Variants in ARHGEF37 observed in about 807,000 individuals in gnomAD.
ARHGEF37 encodes the protein Rho guanine nucleotide exchange factor (GEF) 37.
In ARHGEF37, 55 loss-of-function variants were observed where a neutral mutation model predicts 71.1. That is an observed-to-expected ratio of 0.77 (90% CI 0.62 to 0.97). The LOEUF is 0.97. Ranked by LOEUF, ARHGEF37 falls within the 50% of genes least tolerant of loss-of-function variation. ARHGEF37 has a pLI of 0.00. For missense variants in ARHGEF37, 765 were observed against 836.8 expected, an observed-to-expected ratio of 0.91 and a Z score of 1.06; for synonymous variants, 327 against 350.6, an observed-to-expected ratio of 0.93 and a Z score of 0.75.
intron 1 of ARHGEF37, among the ~76,000 whole-genome samples, chr5:149,558,631 C>T (rs1291085538): frequency 1.3e-5 from 2 of 151,844 alleles, no homozygotes; most frequent in African/African-American, 4.8e-5. Flanking sequence ...GCTGGGATTA[C>T]AGGCGTGAGC....
intron 4 of ARHGEF37, among the ~76,000 whole-genome samples, chr5:149,614,782 C>T (rs147259802): frequency 6.6e-6 from 1 of 152,318 alleles, no homozygotes; most frequent in Non-Finnish European, 1.5e-5. Flanking sequence ...CCTGCTCTGC[C>T]TATTCTTAGC....
intron 1 of ARHGEF37, among the ~76,000 whole-genome samples, chr5:149,558,875 T>C (rs573539377): frequency 6.6e-6 from 1 of 152,302 alleles, no homozygotes; most frequent in South Asian, 2.1e-4. Flanking sequence ...AACATTTTGC[T>C]GTATAAAATT....
At chr5:149,607,099 C>T (rs545888233) in intron 3 of ARHGEF37, among the ~76,000 whole-genome samples, 243 of 152,252 alleles carry the variant, frequency 1.6e-3, no homozygotes, top group Non-Finnish European at 2.6e-3. Flanking sequence ...GACGGGGTTT[C>T]GCTATGTTGG....
At chr5:149,575,302 T>G (rs1763013150) in intron 1 of ARHGEF37, among the ~76,000 whole-genome samples, 1 of 152,246 alleles carries the variant, frequency 6.6e-6, no homozygotes, top group Non-Finnish European at 1.5e-5. Flanking sequence ...TCACCTTATC[T>G]TTGGCTCCCT....
intron 3 of ARHGEF37, among the ~76,000 whole-genome samples, chr5:149,609,237 A>G (rs572738254): frequency 1.3e-5 from 2 of 152,316 alleles, no homozygotes; most frequent in Admixed American, 1.3e-4. Flanking sequence ...TATTTTGTGT[A>G]CTATAAAGCA....
At chr5:149,631,313 G>A (rs1752878730) in intron 12 of ARHGEF37, among the ~76,000 whole-genome samples, 1 of 151,694 alleles carries the variant, frequency 6.6e-6, no homozygotes, top group African/African-American at 2.4e-5. Context: ...TGGGATTACA[G>A]GTGTGCGCCA....
At chr5:149,596,681 A>G (rs1763556994) in intron 1 of ARHGEF37, among the ~76,000 whole-genome samples, 1 of 152,100 alleles carries the variant, frequency 6.6e-6, no homozygotes, top group Non-Finnish European at 1.5e-5. Context: ...GGGAGTGAGA[A>G]ATGAGGGGAG....
At chr5:149,567,917 T>C (rs1221255961) in intron 1 of ARHGEF37, among the ~76,000 whole-genome samples, 1 of 152,212 alleles carries the variant, frequency 6.6e-6, no homozygotes. Context: ...TTTATCTCTA[T>C]TGGTTTGTCA....
intron 1 of ARHGEF37, among the ~76,000 whole-genome samples, chr5:149,566,824 T>C (rs1192011843): frequency 3.3e-5 from 5 of 152,184 alleles, no homozygotes; most frequent in Non-Finnish European, 7.3e-5. Flanking sequence ...TACTCCCCAC[T>C]TTCAATTTTA....
intron 9 of ARHGEF37, among the ~76,000 whole-genome samples, chr5:149,622,543 C>G (rs183284842): frequency 2.0e-4 from 30 of 152,152 alleles, no homozygotes; most frequent in Non-Finnish European, 3.7e-4. Context: ...AACAACCCTA[C>G]AGAGGAGGTA....
At chr5:149,578,797 G>A (rs1639236966), upstream of ARHGEF37, among the ~76,000 whole-genome samples, 1 of 152,126 alleles carries the variant, frequency 6.6e-6, no homozygotes, top group South Asian at 2.1e-4. Context: ...TTTGTTAGAG[G>A]TTTCCAGTCA....
At chr5:149,605,082 TCG>T (rs1245100207) in intron 3 of ARHGEF37, among the ~76,000 whole-genome samples, 1 of 151,054 alleles carries the variant, frequency 6.6e-6, no homozygotes, top group Non-Finnish European at 1.5e-5. Flanking sequence ...CAAAAATTAG[TCG>T]GGCGTGTTGG....
Position 149,628,944 on chromosome 5 carries a change from C to T in ARHGEF37, c.1796C>T (p.Pro599Leu). The change falls in exon 12 of 13, where the codon CCC (proline) becomes CTC (leucine). Residue 599 changes from proline to leucine, a missense_variant. By Grantham distance (98) the Pro-to-Leu change is moderately conservative (BLOSUM62 -3). Around this residue, in one of 5 missense-constraint regions of ARHGEF37, gnomAD observed 390 missense variants for 407.4 expected, o/e 0.96. Coordinates refer to ENST00000333677, the MANE Select transcript of ARHGEF37 (RefSeq NM_001001669.3). Reference protein sequence around the residue: ...LTPEPSPALVPSIPTMNQVIA... With the variant: ...LTPEPSPALVLSIPTMNQVIA... ...CCGGAGCCCAGCCCAGCTCTAGTGC[C>T]CTCTATTCCCACCATGAACCAGGTG... 6.2e-7 allele frequency: 1 copy of T among 1,612,746 alleles called. No individual in the cohort carries two copies. Among genetic ancestry groups the T allele is most frequent in the Non-Finnish European group, 8.5e-7 (1 of 1,179,934 alleles).
At chr5:149,566,156 A>G (rs770289873) in intron 1 of ARHGEF37, among the ~76,000 whole-genome samples, 1 of 151,196 alleles carries the variant, frequency 6.6e-6, no homozygotes, top group Admixed American at 6.6e-5. Flanking sequence ...CAGAAACTCT[A>G]TTTTATCTAT....
At chr5:149,556,748 C>G (rs1443252538) in intron 1 of ARHGEF37, among the ~76,000 whole-genome samples, 3 of 152,106 alleles carry the variant, frequency 2.0e-5, no homozygotes, top group Admixed American at 2.0e-4. Flanking sequence ...GTCTCAAACT[C>G]CTGACCTCAG....
chr5:149,565,829 A>ATTTTTTTTGTTTTTTTTTTT (rs1762889745), intron 1 of ARHGEF37, among the ~76,000 whole-genome samples: 1 of 84,488 alleles, frequency 1.2e-5, no homozygotes, highest in African/African-American at 3.3e-5. Flanking sequence ...AGAAACTCTA[A>ATTTTTTTTGTTTTTTTTTTT]TTTTTTTTTT....
intron 1 of ARHGEF37, among the ~76,000 whole-genome samples, chr5:149,569,036 T>C (rs898695416): frequency 1.3e-5 from 2 of 152,162 alleles, no homozygotes; most frequent in African/African-American, 4.8e-5. Context: ...CTCAGCCTAA[T>C]ATATGTGAGA....
At chr5:149,552,791 A>T (rs1384895100) in intron 1 of ARHGEF37, among the ~76,000 whole-genome samples, 4 of 152,170 alleles carry the variant, frequency 2.6e-5, no homozygotes, top group African/African-American at 9.7e-5. Flanking sequence ...AGATCACGCC[A>T]CTGTACTCCA....
chr5:149,622,043 C>T lies in ARHGEF37; in HGVS notation c.1316C>T (p.Ala439Val), dbSNP rs755671055. The T allele has an allele frequency of 1.9e-6, 3 of 1,611,124 alleles. No homozygotes were observed. The highest frequency in any genetic ancestry group is 1.7e-4 in the Middle Eastern group (1 of 6,056). ...RDLAKQVLQR[A>V]EGSMAQLPHH... ...CTTGCAAAGCAAGTGCTGCAGAGGG[C>T]AGAGGGAAGCATGGCCCAGGTAAGG... The change falls in exon 9 of 13, where the codon GCA (alanine) becomes GTA (valine). Residue 439 changes from alanine to valine, a missense_variant. Around this residue, in one of 5 missense-constraint regions of ARHGEF37, gnomAD observed 390 missense variants for 407.4 expected, o/e 0.96. Transcript: ENST00000333677.
Sources: allele counts gnomAD v4.1 joint callset (sites outside exome capture counted in the v4.1 genomes callset), GRCh38; gene constraint gnomAD v4.1.1; regional missense constraint gnomAD v4.1.1; transcripts MANE v1.5; gene names NCBI Gene and HGNC (gene_info 2026-07-23, HGNC 2026-07-21).